The following RADIL variants were observed in gnomAD, a reference collection of about 807,000 sequenced individuals.
RADIL encodes the protein ras-associating and dilute domain-containing protein.
RADIL carries 99 observed loss-of-function variants against 97.6 expected under a neutral mutation model. The ratio of observed to expected loss-of-function variants is 1.01; its 90% CI spans 0.86 to 1.20. RADIL has a LOEUF of 1.20. Among genes scored for constraint, RADIL ranks in the 50% most tolerant of loss-of-function variants. The pLI is 0.00. For synonymous variants in RADIL, 803 were observed against 691.8 expected (o/e 1.16, Z -2.52); for missense variants, 1,765 against 1,498.9 (o/e 1.18, Z -2.93).
chr7:4,807,623 G>A (rs1190516835), intron 9 of RADIL, among the ~76,000 whole-genome samples: 6 of 36,108 alleles, frequency 1.7e-4, no homozygotes, highest in South Asian at 1.6e-3. Context: ...CTCTCCCCCC[G>A]TCTCCCCTCC....
At chr7:4,844,533 T>C (rs1488841953) in intron 2 of RADIL, among the ~76,000 whole-genome samples, 1 of 152,244 alleles carries the variant, frequency 6.6e-6, no homozygotes, top group Non-Finnish European at 1.5e-5. Flanking sequence ...AAAGAATCTA[T>C]GGAAAAATTA....
intron 2 of RADIL, among the ~76,000 whole-genome samples, chr7:4,841,738 C>A (rs767628687): frequency 1.3e-5 from 2 of 152,192 alleles, no homozygotes; most frequent in Admixed American, 6.5e-5. Context: ...GGGGTCCCAG[C>A]CTCAGAAGCA....
In RADIL at chr7:4,799,717, C is replaced by T. The variant is rs1464836919; in HGVS notation, c.3035G>A (p.Ser1012Asn). Residue 1012 changes from serine (S) to asparagine (N), a missense_variant, in exon 14 of 15, where the codon AGC (serine) becomes AAC (asparagine). Coordinates refer to ENST00000399583, the MANE Select transcript of RADIL (RefSeq NM_018059.5). ...CAGGCGCCCGTCGGCCGCTGCGGGG[C>T]TGCCCGGGAGCAGGGTCTGGATGTA... is the stretch of plus-strand genomic sequence containing the variant. ...GLYIQTLLPG[S>N]PAAADGRLSL... 5 of 1,567,070 alleles carry T rather than the reference C, an allele frequency of 3.2e-6. No homozygotes were observed. Among genetic ancestry groups the T allele is most frequent in the Admixed American group, 3.8e-5 (2 of 53,198 alleles).
At chr7:4,851,939 C>T (rs1783718696) in intron 2 of RADIL, among the ~76,000 whole-genome samples, 1 of 152,216 alleles carries the variant, frequency 6.6e-6, no homozygotes, top group Admixed American at 6.5e-5. Flanking sequence ...ATAAATGACT[C>T]AGTAGAGTCA....
In RADIL at chr7:4,803,732, T is replaced by G; in HGVS notation, c.2313A>C (p.Glu771Asp). The change falls in exon 11 of 15, where the codon GAA (glutamate) becomes GAC (aspartate). Residue 771 changes from glutamate to aspartate, a missense_variant. Physicochemically the swap from Glu to Asp is conservative, Grantham distance 45. Coordinates refer to ENST00000399583, the MANE Select transcript of RADIL (RefSeq NM_018059.5). Reference sequence around the variant, plus strand: ...TGGGCAGGACGATGGGTGGGGGGTTTTCGTAGGACTCCAGAACATCCTCTG... The same window carrying G: ...TGGGCAGGACGATGGGTGGGGGGTTGTCGTAGGACTCCAGAACATCCTCTG... ...FRSEDVLESY[E>D]NPPPIVLPSD... The G allele has an allele frequency of 2.6e-6, 4 of 1,565,588 alleles. No individual in the cohort carries two copies. Among genetic ancestry groups the G allele is most frequent in the Non-Finnish European group, 3.5e-6 (4 of 1,155,880 alleles).
Position 4,803,760 on chromosome 7 carries a change from G to A in RADIL, c.2291-6C>T. On this transcript the variant is annotated splice_polypyrimidine_tract_variant and splice_region_variant and intron_variant, in intron 10 of 14. Coordinates refer to ENST00000399583, the MANE Select transcript of RADIL (RefSeq NM_018059.5). ...GTAGGACTCCAGAACATCCTCTGCA[G>A]GGGAGAGAGGATGCCCGTAATGGCC... is the stretch of plus-strand genomic sequence containing the variant. 2.6e-6 allele frequency: 4 copies of A among 1,553,540 alleles called. No individual in the cohort carries two copies. Among genetic ancestry groups the A allele is most frequent in the Non-Finnish European group, 3.5e-6 (4 of 1,147,854 alleles).
chr7:4,821,439 A>T lies in RADIL; in HGVS notation c.1615+955T>A, dbSNP rs916051543. On this transcript the variant is annotated intron_variant, in intron 6 of 14. Transcript: ENST00000399583. This position sits in a 1 kb window ranked among gnomAD's most constrained non-coding sequence, Gnocchi z 5.2. ...AGGCCCCACACAGTCCTTAGCAGAC[A>T]CATGAGCCGAAATCCTACCCCGGCT... 6.6e-6 allele frequency among the ~76,000 whole-genome samples: 1 copy of T among 152,316 alleles called. No homozygotes were observed. The highest frequency in any genetic ancestry group is 2.1e-4 in the South Asian group (1 of 4,824).
chr7:4,834,723 G>A lies in RADIL; in HGVS notation c.1300C>T (p.Leu434=). Residue 434 remains leucine (L), a synonymous_variant, in exon 4 of 15, where the codon CTG becomes TTG. Transcript: ENST00000399583. This position sits in a 1 kb window ranked among gnomAD's most constrained non-coding sequence, Gnocchi z 6.0. The part of the protein sequence containing the change: ...LIEPGGDDHK[L]TPAFLLCLCI... Reference sequence around the variant, plus strand: ...AGGCACAGGAGGAAGGCGGGGGTCAGCTTGTGGTCGTCGCCCCCCGGCTCG... The same window carrying A: ...AGGCACAGGAGGAAGGCGGGGGTCAACTTGTGGTCGTCGCCCCCCGGCTCG... 2 of 1,410,892 alleles carry A rather than the reference G, an allele frequency of 1.4e-6. No homozygotes were observed. The highest frequency in any genetic ancestry group is 1.9e-6 in the Non-Finnish European group (2 of 1,075,530). 87.4% of individuals were successfully genotyped at this position (1,410,892 alleles called of 1,614,324 possible).
At chr7:4,864,479 C>T (rs1249875161) in intron 2 of RADIL, among the ~76,000 whole-genome samples, 1 of 152,248 alleles carries the variant, frequency 6.6e-6, no homozygotes, top group Admixed American at 6.5e-5. Context: ...CTTCTGAACT[C>T]CAGATCCATA....
At chr7:4,866,853 T>C (rs1015694463) in intron 2 of RADIL, among the ~76,000 whole-genome samples, 2 of 152,204 alleles carry the variant, frequency 1.3e-5, no homozygotes, top group Non-Finnish European at 1.5e-5. Context: ...TGGGGACAGA[T>C]CCCTCATGAA....
Position 4,839,629 on chromosome 7 carries a change from CTT to C in RADIL, c.536-3026_536-3025del, listed in dbSNP as rs1474739169. ...TATCATAACTTTATATCATGTTTGA[CTT>C]ATTTCATTTTTTTAAACTCTAAACA... On this transcript the variant is annotated intron_variant, in intron 2 of 14. Coordinates refer to ENST00000399583, the MANE Select transcript of RADIL (RefSeq NM_018059.5). Among the ~76,000 whole-genome samples, 6 of 152,122 alleles carry C rather than the reference CTT, an allele frequency of 3.9e-5. No individual in the cohort carries two copies. The East Asian group carries it at 5.8e-4, about 15-fold the overall frequency.
chr7:4,803,142 T>G (rs13235973), intron 11 of RADIL, among the ~76,000 whole-genome samples: 11 of 36,582 alleles, frequency 3.0e-4, no homozygotes, highest in African/African-American at 6.8e-4. Flanking sequence ...CTCGGGGCAC[T>G]CTGGCTGGGT....
At position 4,816,447 on chromosome 7, in the gene RADIL, G is replaced by T. The variant is rs781394558; in HGVS notation, c.1747C>A (p.Pro583Thr). 7.5e-6 allele frequency: 12 copies of T among 1,607,586 alleles called. No homozygotes were observed. Among genetic ancestry groups the T allele is most frequent in the Non-Finnish European group, 1.0e-5 (12 of 1,177,978 alleles). ...YVSKSLYICL[P>T]ALLECPPFQT... The stretch of plus-strand genomic sequence containing the variant: ...AATGGCGGGCACTCCAGGAGTGCCG[G>T]GAGGCAGATGTACAGGGACTGGCGG... The change falls in exon 8 of 15, where the codon CCG (proline) becomes ACG (threonine). Residue 583 changes from proline (P) to threonine (T), a missense_variant. Pro to Thr is a conservative substitution (Grantham distance 38). Transcript: ENST00000399583.
At position 4,803,632 on chromosome 7, in the gene RADIL, G is replaced by A. The variant is rs1385005331; in HGVS notation, c.2413C>T (p.His805Tyr). ...CTGCTCCGCAGACCCCACAGAAAGT[G>A]GCGGACGTAGAGCAGGTGCTGGTAG... ...SIYQHLLYVR[H>Y]FLWGLRSRAS... is the part of the protein sequence containing the mutation. The change falls in exon 11 of 15, where the codon CAC (histidine) becomes TAC (tyrosine). Residue 805 changes from histidine (H) to tyrosine (Y), a missense_variant. By Grantham distance (83) the His-to-Tyr change is moderately conservative. Coordinates refer to ENST00000399583, the MANE Select transcript of RADIL (RefSeq NM_018059.5). 3.2e-6 allele frequency: 5 copies of A among 1,550,056 alleles called. No individual in the cohort carries two copies. Among genetic ancestry groups the A allele is most frequent in the Admixed American group, 3.9e-5 (2 of 51,016 alleles).
intron 2 of RADIL, chr7:4,860,167 C>G (rs767630385): frequency 1.2e-6 from 2 of 1,614,022 alleles, no homozygotes; most frequent in Non-Finnish European, 1.7e-6. Flanking sequence ...AACTGCTAAT[C>G]AATGGGCCTG....
At position 4,816,574 on chromosome 7, in the gene RADIL, C is replaced by T. The variant is rs879309710; in HGVS notation, c.1729-109G>A. 102 of 855,488 alleles carry T rather than the reference C, an allele frequency of 1.2e-4. 1 individual carries two copies. The highest frequency in any genetic ancestry group is 3.5e-4 in the Middle Eastern group (1 of 2,852). 53.0% of individuals were successfully genotyped at this position (855,488 alleles called of 1,614,324 possible). ...CACCCACGCACTGCTTGCAGGGACC[C>T]GGCCTCGGTAGCTTCCTGCTGGACA... On this transcript the variant is annotated intron_variant, in intron 7 of 14. Coordinates refer to ENST00000399583, the MANE Select transcript of RADIL (RefSeq NM_018059.5).
chr7:4,820,104 G>A (rs553246078), intron 6 of RADIL, among the ~76,000 whole-genome samples: 38 of 152,290 alleles, frequency 2.5e-4, no homozygotes, highest in African/African-American at 6.7e-4. Context: ...TGTGGGGGCC[G>A]GAACAAAAGG....
chr7:4,831,726 A>AG (rs1783145253), intron 5 of RADIL, among the ~76,000 whole-genome samples: 1 of 51,896 alleles, frequency 1.9e-5, no homozygotes, highest in Non-Finnish European at 3.6e-5. Flanking sequence ...CTAAAAGTAC[A>AG]AAAAAAAAAA....
At chr7:4,844,390 A>G (rs901061147) in intron 2 of RADIL, among the ~76,000 whole-genome samples, 2 of 152,074 alleles carry the variant, frequency 1.3e-5, no homozygotes, top group African/African-American at 4.8e-5. Flanking sequence ...GGTTGCAGTG[A>G]GCTGAGATCG....
Sources: allele counts gnomAD v4.1 joint callset (sites outside exome capture counted in the v4.1 genomes callset), GRCh38; gene constraint gnomAD v4.1.1; non-coding constraint Gnocchi (gnomAD v3.1); transcripts MANE v1.5; gene names NCBI Gene and HGNC (gene_info 2026-07-23, HGNC 2026-07-21).